Variants in PDCD10 observed in about 807,000 individuals in gnomAD.
PDCD10 encodes the protein programmed cell death 10, also known as programmed cell death protein 10.
PDCD10 carries 4 observed loss-of-function variants against 29.2 expected under a neutral mutation model. That is an observed-to-expected ratio of 0.14 (90% confidence interval 0.07 to 0.31). The LOEUF (loss-of-function observed/expected upper bound fraction) is 0.31, where lower values mean the gene tolerates loss of function less well. PDCD10 is among the 10% of genes least tolerant of loss of function. PDCD10 has a pLI of 1.00. For missense variants in PDCD10, 183 were observed against 257.9 expected (o/e 0.71, Z 1.99); for synonymous variants, 70 against 82.2 (o/e 0.85, Z 0.80).
intron 2 of PDCD10, among the ~76,000 whole-genome samples, chr3:167,725,196 G>T (rs996646724): frequency 5.4e-5 from 8 of 148,434 alleles, no homozygotes; most frequent in African/African-American, 2.0e-4. Context: ...GGCGGAAGTT[G>T]CAGTGAGTCG....
chr3:167,696,770 G>C (rs1360758009), intron 5 of PDCD10, among the ~76,000 whole-genome samples: 1 of 152,082 alleles, frequency 6.6e-6, no homozygotes, highest in Non-Finnish European at 1.5e-5. Context: ...GAAGTATGCA[G>C]CATAAACAAA....
rs182656127 is a variant in PDCD10 at position 167,713,021 on chromosome 3, C to T, written c.96+7041G>A. Among the ~76,000 whole-genome samples, 753 of 152,118 alleles carry T rather than the reference C, an allele frequency of 5.0e-3. 7 individuals carry two copies. The highest frequency in any genetic ancestry group is 0.017 in the African/African-American group (709 of 41,538). ...CAATAATAGCTGGAGACTTCACCAC[C>T]CAACTTTCAGTGTTGGACAGATCTT... On this transcript the variant is annotated intron_variant, in intron 3 of 8. Coordinates refer to ENST00000392750, the MANE Select transcript of PDCD10 (RefSeq NM_007217.4).
chr3:167,699,450 T>C (rs900433921), intron 4 of PDCD10, among the ~76,000 whole-genome samples: 1 of 151,982 alleles, frequency 6.6e-6, no homozygotes, highest in African/African-American at 2.4e-5. Context: ...TTGGAAGGAG[T>C]AGTCTCAGTA....
At chr3:167,714,561 G>A (rs1324772191) in intron 3 of PDCD10, among the ~76,000 whole-genome samples, 1 of 151,758 alleles carries the variant, frequency 6.6e-6, no homozygotes, top group African/African-American at 2.4e-5. Context: ...GACTCCACAA[G>A]GAAACTATTA....
chr3:167,703,922 T>A lies in PDCD10; in HGVS notation c.150+920A>T, dbSNP rs542227088. Among the ~76,000 whole-genome samples the A allele has an allele frequency of 1.3e-4, 20 of 152,364 alleles. 1 individual carries two copies. The East Asian group carries it at 3.3e-3, about 25-fold the overall frequency. ...TTTATTACTAAGCTAGTTTACTTTC[T>A]TTTTCTTATATGAAGTCTTCAAAAT... is the stretch of plus-strand genomic sequence containing the variant. On this transcript the variant is annotated intron_variant, in intron 4 of 8. Transcript: ENST00000392750.
At chr3:167,702,710 G>A (rs557276824) in intron 4 of PDCD10, among the ~76,000 whole-genome samples, 19 of 152,242 alleles carry the variant, frequency 1.2e-4, no homozygotes, top group African/African-American at 4.1e-4. Context: ...CCAATAATTG[G>A]AATTATGAAT....
intron 6 of PDCD10, among the ~76,000 whole-genome samples, chr3:167,689,852 T>C (rs1227069116): frequency 1.3e-5 from 2 of 152,206 alleles, no homozygotes; most frequent in African/African-American, 2.4e-5. Flanking sequence ...AGAAAAAATG[T>C]TCTCTAGAAA....
intron 8 of PDCD10, among the ~76,000 whole-genome samples, chr3:167,684,784 C>A (rs562471420): frequency 2.0e-5 from 3 of 152,200 alleles, no homozygotes; most frequent in South Asian, 4.1e-4. Context: ...GGGCATAATA[C>A]TCAAGAAAAA....
intron 5 of PDCD10, 21 bp downstream of exon 5, chr3:167,696,987 AC>A (rs1720882873): frequency 8.5e-7 from 1 of 1,171,506 alleles, no homozygotes; most frequent in African/African-American, 1.5e-5. Context: ...TATAACTTAA[AC>A]AAGGTTCTTC....
chr3:167,684,748 T>A (rs1719407240), intron 8 of PDCD10, among the ~76,000 whole-genome samples: 1 of 152,192 alleles, frequency 6.6e-6, no homozygotes, highest in South Asian at 2.1e-4. Flanking sequence ...CAGCAAAGTA[T>A]CATAATCTCA....
intron 2 of PDCD10, among the ~76,000 whole-genome samples, chr3:167,731,651 C>T (rs948783280): frequency 6.6e-6 from 1 of 152,122 alleles, no homozygotes; most frequent in South Asian, 2.1e-4. Context: ...CCAGGTACTG[C>T]GTAAGTAGTG....
chr3:167,697,607 T>A (rs1169997606), intron 4 of PDCD10, among the ~76,000 whole-genome samples: 3 of 152,176 alleles, frequency 2.0e-5, no homozygotes, highest in Non-Finnish European at 4.4e-5. Flanking sequence ...AAGGATTTAT[T>A]TTGAAGGTTT....
chr3:167,700,155 A>C (rs932688493), intron 4 of PDCD10, among the ~76,000 whole-genome samples: 4 of 152,188 alleles, frequency 2.6e-5, no homozygotes, highest in Admixed American at 2.6e-4. Flanking sequence ...ATATGTAATA[A>C]GTTTGAAGCC....
chr3:167,697,750 CT>C (rs1191199467), intron 4 of PDCD10: 5 of 259,934 alleles, frequency 1.9e-5, no homozygotes, highest in Middle Eastern at 1.3e-3. Context: ...ACCTTTTGAG[CT>C]TGTTTCATTG....
chr3:167,707,064 T>C (rs896695179), intron 3 of PDCD10, among the ~76,000 whole-genome samples: 2 of 152,236 alleles, frequency 1.3e-5, no homozygotes, highest in Non-Finnish European at 1.5e-5. Flanking sequence ...CTTGAGTTCC[T>C]ACCATGTACT....
intron 5 of PDCD10, among the ~76,000 whole-genome samples, 184 bp from the exon 6 acceptor site, chr3:167,695,906 C>T (rs1397724021): frequency 6.6e-6 from 1 of 151,710 alleles, no homozygotes; most frequent in East Asian, 1.9e-4. Context: ...CAGCAGGGCT[C>T]CCTTCAAGTA....
At chr3:167,712,080 C>A (rs534423754) in intron 3 of PDCD10, among the ~76,000 whole-genome samples, 15 of 152,248 alleles carry the variant, frequency 9.9e-5, no homozygotes, top group South Asian at 2.1e-4. Context: ...ACAAAACTCA[C>A]TGGTAATAGT....
At chr3:167,717,586 ATATGT>A (rs146929815) in intron 3 of PDCD10, among the ~76,000 whole-genome samples, 1,876 of 152,098 alleles carry the variant, frequency 0.012, 34 homozygotes, top group African/African-American at 0.043. Flanking sequence ...TATCTTATTT[ATATGT>A]TATGTTAACA....
At chr3:167,732,857 G>A (rs973675646) in intron 2 of PDCD10, among the ~76,000 whole-genome samples, 1 of 152,038 alleles carries the variant, frequency 6.6e-6, no homozygotes, top group Non-Finnish European at 1.5e-5. Context: ...TTCAGTTTAC[G>A]GTCTACTTAC....
Sources: allele counts gnomAD v4.1 joint callset (sites outside exome capture counted in the v4.1 genomes callset), GRCh38; gene constraint gnomAD v4.1.1; transcripts MANE v1.5; gene names NCBI Gene and HGNC (gene_info 2026-07-23, HGNC 2026-07-21).